Variants in ACP6 observed in about 807,000 individuals in gnomAD.
ACP6 encodes lysophosphatidic acid phosphatase type 6.
ACP6 carries 48 observed loss-of-function variants against 48.1 expected under a neutral mutation model. That is an observed-to-expected ratio of 1.00 (90% CI 0.79 to 1.27). The LOEUF is 1.27. Ranked by LOEUF, ACP6 falls within the 50% of genes most tolerant of loss-of-function variation. The pLI, the probability that ACP6 is intolerant of heterozygous loss-of-function variation, is 0.00. For missense variants in ACP6, 485 were observed against 529.1 expected (o/e 0.92, Z 0.82); for synonymous variants, 172 against 204.2 (o/e 0.84, Z 1.34).
At chr1:147,666,691 C>T (rs2185437) in intron 1 of ACP6, among the ~76,000 whole-genome samples, 63,939 of 151,906 alleles carry the variant, frequency 0.42, 15,168 homozygotes, top group East Asian at 0.63. Context: ...CTGGATACCC[C>T]GGACCAATTA....
At chr1:147,658,922 C>T (rs370462357) in intron 4 of ACP6, 38 bp downstream of exon 4, 4 of 1,561,466 alleles carry the variant, frequency 2.6e-6, no homozygotes, top group Admixed American at 3.8e-5. Context: ...AGCAAGACCC[C>T]TCAGGGACAG....
At chr1:147,637,358 T>C (rs1659325773), downstream of ACP6, among the ~76,000 whole-genome samples, 2 of 152,314 alleles carry the variant, frequency 1.3e-5, no homozygotes, top group Admixed American at 6.5e-5. Flanking sequence ...TTTCAAAGGT[T>C]TTCCTTATGT....
chr1:147,668,005 A>G (rs762515851), intron 1 of ACP6, among the ~76,000 whole-genome samples: 1 of 152,108 alleles, frequency 6.6e-6, no homozygotes, highest in Non-Finnish European at 1.5e-5. Flanking sequence ...AAAAATCCCA[A>G]TAACAACCTC....
rs187407029 is a variant in ACP6 at position 147,647,375 on chromosome 1, T to A, written c.*48A>T. ...AACACACAAAGCAGGAGGCATTGTATAAAGGCACTTTATTTTAAAATCAAC... is the reference window on the plus strand; with the variant it reads ...AACACACAAAGCAGGAGGCATTGTAAAAAGGCACTTTATTTTAAAATCAAC... On this transcript the variant is annotated 3_prime_UTR_variant, in exon 10 of 10. Coordinates refer to ENST00000583509, the MANE Select transcript of ACP6 (RefSeq NM_016361.5). The A allele has an allele frequency of 1.9e-4, 311 of 1,608,222 alleles. 2 individuals are homozygous for A. In the African/African-American group the frequency reaches 3.2e-3, roughly 16 times the overall value.
At chr1:147,637,785 G>A (rs55690224), downstream of ACP6, among the ~76,000 whole-genome samples, 1 of 152,096 alleles carries the variant, frequency 6.6e-6, no homozygotes, top group East Asian at 1.9e-4. Context: ...ATTTGGCCTA[G>A]GATCTAAAAC....
chr1:147,641,739 G>C (rs1570941931), downstream of ACP6, among the ~76,000 whole-genome samples: 1 of 152,312 alleles, frequency 6.6e-6, no homozygotes, highest in East Asian at 1.9e-4. Context: ...CTTTATAGTT[G>C]GGAAAATGGA....
chr1:147,669,822 C>G lies in ACP6; in HGVS notation c.219+8G>C. The stretch of plus-strand genomic sequence containing the variant: ...CCCCACCAGCCCCAGCCCGGGCCGA[C>G]CTCTCACCTGCTCCTCCAGCGGGAG... On this transcript the variant is annotated splice_region_variant and intron_variant, in intron 1 of 9. Transcript: ENST00000583509. 6.4e-7 allele frequency: 1 copy of G among 1,571,382 alleles called. No homozygotes were observed. Among genetic ancestry groups the G allele is most frequent in the East Asian group, 2.3e-5 (1 of 43,388 alleles).
intron 5 of ACP6, among the ~76,000 whole-genome samples, chr1:147,632,619 T>C (rs903120340): frequency 6.6e-6 from 1 of 151,778 alleles, no homozygotes; most frequent in Non-Finnish European, 1.5e-5. Context: ...GAATGTGAAA[T>C]TGAAAAGGGA....
intron 4 of ACP6, among the ~76,000 whole-genome samples, chr1:147,657,612 G>T (rs1857209): frequency 0.1 from 15,634 of 151,976 alleles, 1,020 homozygotes; most frequent in East Asian, 0.33. Context: ...GTACAGATGG[G>T]GTTTCACCAT....
intron 1 of ACP6, among the ~76,000 whole-genome samples, chr1:147,661,993 A>G (rs587692102): frequency 2.6e-5 from 4 of 152,368 alleles, no homozygotes; most frequent in Admixed American, 2.6e-4. Flanking sequence ...ACTATTCTGC[A>G]AATCCTACAG....
chr1:147,669,733 C>T, intron 1 of ACP6, 97 bp downstream of exon 1: 1 of 1,307,554 alleles, frequency 7.6e-7, no homozygotes, highest in Non-Finnish European at 1.0e-6. Context: ...AGCCCCGCTC[C>T]GCGCGAGTAA....
downstream of ACP6, among the ~76,000 whole-genome samples, chr1:147,641,736 G>T (rs1258074490): frequency 6.6e-5 from 10 of 152,216 alleles, no homozygotes; most frequent in African/African-American, 2.4e-5. Context: ...CCGCTTTATA[G>T]TTGGGAAAAT....
intron 1 of ACP6, among the ~76,000 whole-genome samples, chr1:147,667,994 A>AC: frequency 6.6e-6 from 1 of 151,582 alleles, no homozygotes; most frequent in South Asian, 2.1e-4. Flanking sequence ...GTCTCAAAAA[A>AC]AAAAATCCCA....
chr1:147,667,223 T>C (rs1660841258), intron 1 of ACP6, among the ~76,000 whole-genome samples: 1 of 96 alleles, frequency 0.01, no homozygotes, highest in Admixed American at 0.25. Context: ...ACTAGTTTTT[T>C]GTTTTTGTTT....
At chr1:147,667,944 C>A (rs1239421624) in intron 1 of ACP6, among the ~76,000 whole-genome samples, 1 of 151,528 alleles carries the variant, frequency 6.6e-6, no homozygotes, top group East Asian at 2.0e-4. Context: ...GAGCCGAGAT[C>A]GCGTCACTGC....
chr1:147,638,610 G>T (rs983233253), downstream of ACP6, among the ~76,000 whole-genome samples: 1 of 152,166 alleles, frequency 6.6e-6, no homozygotes, highest in Non-Finnish European at 1.5e-5. Flanking sequence ...TGGAGAGGTG[G>T]GCAGGGGGCC....
intron 4 of ACP6, 73 bp downstream of exon 4, chr1:147,658,887 A>C: frequency 1.4e-6 from 2 of 1,404,842 alleles, no homozygotes; most frequent in Non-Finnish European, 1.9e-6. Context: ...GCACCAAGAA[A>C]GAGATAGGGG....
intron 1 of ACP6, among the ~76,000 whole-genome samples, chr1:147,661,668 A>G (rs12028985): frequency 0.098 from 14,976 of 152,276 alleles, 1,028 homozygotes; most frequent in East Asian, 0.33. Flanking sequence ...GAAGGCATGT[A>G]GAAAGCTAAG....
chr1:147,662,863 T>A (rs1464358814), intron 1 of ACP6, among the ~76,000 whole-genome samples: 4 of 152,174 alleles, frequency 2.6e-5, no homozygotes, highest in African/African-American at 9.7e-5. Flanking sequence ...GAAGAGTCTA[T>A]CAATGTGGCA....
Sources: gnomAD v4.1 joint callset for allele counts (sites outside exome capture counted in the v4.1 genomes callset) on GRCh38, gnomAD v4.1.1 for gene constraint, MANE v1.5 for transcripts, NCBI Gene and HGNC (gene_info 2026-07-23, HGNC 2026-07-21) for gene names.